Variants in SGCZ observed in about 807,000 individuals in gnomAD.
The protein encoded by SGCZ is sarcoglycan zeta, also known as zeta-sarcoglycan.
A neutral mutation model predicts 41.3 loss-of-function variants in SGCZ; 40 were observed. That is an observed-to-expected ratio of 0.97 (90% CI 0.75 to 1.26). The LOEUF (loss-of-function observed/expected upper bound fraction) is 1.26, where lower values mean the gene tolerates loss of function less well. Ranked by LOEUF, SGCZ falls within the 50% of genes most tolerant of loss-of-function variation. The pLI is 0.00. For synonymous variants in SGCZ, 206 were observed against 137.5 expected, an observed-to-expected ratio of 1.50 and a Z score of -3.49; for missense variants, 552 against 369.8, an observed-to-expected ratio of 1.49 and a Z score of -4.04.
chr8:15,107,974 A>G (rs949394148), intron 1 of SGCZ, among the ~76,000 whole-genome samples: 6 of 152,178 alleles, frequency 3.9e-5, no homozygotes, highest in African/African-American at 1.4e-4. Context: ...CTACAGTTGT[A>G]GTTATTCTGC....
chr8:14,618,079 A>C (rs1347085260), intron 1 of SGCZ, among the ~76,000 whole-genome samples: 1 of 136,228 alleles, frequency 7.3e-6, no homozygotes, highest in Non-Finnish European at 1.6e-5. Context: ...ATGCCTTTTC[A>C]TATATCCAAC....
At chr8:14,840,233 G>T (rs1265407103) in intron 1 of SGCZ, among the ~76,000 whole-genome samples, 1 of 151,998 alleles carries the variant, frequency 6.6e-6, no homozygotes, top group Non-Finnish European at 1.5e-5. Context: ...TGTTAATCAG[G>T]GTTGCCAGTG....
At position 15,187,002 on chromosome 8, in the gene SGCZ, T is replaced by C. The variant is rs192526430; in HGVS notation, c.39+50583A>G. Among the ~76,000 whole-genome samples, 80 of 152,234 alleles carry C rather than the reference T, an allele frequency of 5.3e-4. 3 individuals carry two copies. In the South Asian group the frequency reaches 0.016, roughly 30 times the overall value. On this transcript the variant is annotated intron_variant, in intron 1 of 7. Coordinates refer to ENST00000382080, the MANE Select transcript of SGCZ (RefSeq NM_139167.4). The stretch of plus-strand genomic sequence containing the variant: ...ACCTTTCTATTTGTTATAGTAGAAA[T>C]CACCCTAACTCATATAAAGCATTAC...
At chr8:14,630,179 G>A (rs149525405) in intron 1 of SGCZ, among the ~76,000 whole-genome samples, 76 of 151,756 alleles carry the variant, frequency 5.0e-4, no homozygotes, top group African/African-American at 1.7e-3. Flanking sequence ...TAACAGTATA[G>A]TATGCTCCTC....
intron 3 of SGCZ, among the ~76,000 whole-genome samples, chr8:14,319,161 C>A (rs2117019719): frequency 6.6e-6 from 1 of 151,914 alleles, no homozygotes; most frequent in South Asian, 2.1e-4. Context: ...ACGAATAAAA[C>A]TGAAAAGCTA....
At chr8:14,600,529 C>A (rs1005329059) in intron 1 of SGCZ, among the ~76,000 whole-genome samples, 1 of 152,108 alleles carries the variant, frequency 6.6e-6, no homozygotes, top group African/African-American at 2.4e-5. Flanking sequence ...GTCAAACCTC[C>A]CAGGCAGTTA....
intron 1 of SGCZ, among the ~76,000 whole-genome samples, chr8:15,196,450 T>C (rs1475772152): frequency 2.0e-5 from 3 of 152,142 alleles, no homozygotes; most frequent in Non-Finnish European, 4.4e-5. Context: ...ATACATGAAA[T>C]GTTATCATCC....
chr8:15,126,565 C>T (rs890001189), intron 1 of SGCZ, among the ~76,000 whole-genome samples: 12 of 152,080 alleles, frequency 7.9e-5, no homozygotes, highest in African/African-American at 2.9e-4. Context: ...CATGGAAGAA[C>T]TGATGTGAAA....
chr8:14,765,346 G>A (rs1800005676), intron 1 of SGCZ, among the ~76,000 whole-genome samples: 1 of 152,130 alleles, frequency 6.6e-6, no homozygotes, highest in Non-Finnish European at 1.5e-5. Context: ...TTAAATTACT[G>A]TCAAGGGGTC....
chr8:14,148,102 A>T (rs1010695363), intron 5 of SGCZ, among the ~76,000 whole-genome samples: 13 of 152,152 alleles, frequency 8.5e-5, no homozygotes. Flanking sequence ...ATCAAAAAAG[A>T]GGAAAGCCTT....
chr8:14,237,746 CT>C (rs1303553923), intron 3 of SGCZ, 67 bp from the exon 4 acceptor site: 13 of 1,386,154 alleles, frequency 9.4e-6, no homozygotes, highest in Admixed American at 8.8e-5. Context: ...AAAAAATATA[CT>C]GCATTTGTTT....
intron 3 of SGCZ, among the ~76,000 whole-genome samples, chr8:14,267,926 T>A (rs939772285): frequency 2.6e-5 from 4 of 151,958 alleles, no homozygotes; most frequent in Admixed American, 6.6e-5. Flanking sequence ...TTCTCTTACA[T>A]CAGTTGCTAG....
chr8:14,977,624 G>C (rs867164613), intron 1 of SGCZ, among the ~76,000 whole-genome samples: 4 of 151,824 alleles, frequency 2.6e-5, no homozygotes, highest in Non-Finnish European at 4.4e-5. Flanking sequence ...GAAAATAAAG[G>C]CTTAAAAATA....
At chr8:15,142,624 C>T (rs1168620983) in intron 1 of SGCZ, among the ~76,000 whole-genome samples, 2 of 152,022 alleles carry the variant, frequency 1.3e-5, no homozygotes, top group South Asian at 2.1e-4. Context: ...ATGATGACTT[C>T]CCATACTACG....
At chr8:14,361,603 C>T (rs1371363590) in intron 2 of SGCZ, among the ~76,000 whole-genome samples, 3 of 152,124 alleles carry the variant, frequency 2.0e-5, no homozygotes, top group Non-Finnish European at 2.9e-5. Flanking sequence ...AGGTTTTTAG[C>T]TTCCTTGCGA....
intron 1 of SGCZ, among the ~76,000 whole-genome samples, chr8:14,658,423 G>A (rs1031257340): frequency 6.6e-6 from 1 of 152,054 alleles, no homozygotes; most frequent in Non-Finnish European, 1.5e-5. Flanking sequence ...ACTTTGCTCC[G>A]TGCTTTCCTA....
At chr8:14,681,174 T>A (rs1346356629) in intron 1 of SGCZ, among the ~76,000 whole-genome samples, 1 of 152,012 alleles carries the variant, frequency 6.6e-6, no homozygotes, top group African/African-American at 2.4e-5. Flanking sequence ...CACAGCACAC[T>A]AAAATATATC....
intron 1 of SGCZ, among the ~76,000 whole-genome samples, chr8:14,990,837 C>G (rs1801990418): frequency 2.0e-5 from 3 of 152,064 alleles, no homozygotes; most frequent in Non-Finnish European, 1.5e-5. Flanking sequence ...GGACCGCTGC[C>G]TTGAGGTACA....
chr8:14,090,235 T>A lies in SGCZ; in HGVS notation c.*208A>T. The A allele has an allele frequency of 2.3e-6, 1 of 428,934 alleles. No homozygotes were observed. The highest frequency in any genetic ancestry group is 8.5e-5 in the South Asian group (1 of 11,716). The allele number at this position is 428,934 out of a possible 1,614,324, so 26.6% of individuals were successfully genotyped here. On this transcript the variant is annotated 3_prime_UTR_variant, in exon 8 of 8. Transcript: ENST00000382080. ...TCCAGTTTTCCTGCTGACGACGCTTTTTCCACTGCTGTGTCAATCACACCC... is the reference window on the plus strand; with the variant it reads ...TCCAGTTTTCCTGCTGACGACGCTTATTCCACTGCTGTGTCAATCACACCC...
Sources: allele counts gnomAD v4.1 joint callset (sites outside exome capture counted in the v4.1 genomes callset), GRCh38; gene constraint gnomAD v4.1.1; transcripts MANE v1.5; gene names NCBI Gene and HGNC (gene_info 2026-07-23, HGNC 2026-07-21).